The following ATP7B variants were observed in gnomAD, a reference collection of about 807,000 sequenced individuals.
ATP7B encodes the protein ATPase copper transporting beta.
Under a neutral mutation model 118.9 loss-of-function variants are expected in ATP7B, and 113 were observed. The ratio of observed to expected loss-of-function variants is 0.95; its 90% CI spans 0.82 to 1.11. ATP7B has a LOEUF of 1.11. Ranked by LOEUF, ATP7B falls within the 50% of genes most tolerant of loss-of-function variation. The pLI is 0.00. For missense variants in ATP7B, 1,867 were observed against 1,871.4 expected, an observed-to-expected ratio of 1.00 and a Z score of 0.04; for synonymous variants, 777 against 727.4, an observed-to-expected ratio of 1.07 and a Z score of -1.10.
chr13:52,011,482 A>G, upstream of ATP7B: 3 of 961,170 alleles, frequency 3.1e-6, no homozygotes, highest in Non-Finnish European at 4.9e-6. Context: ...TAAAGCAAAC[A>G]GGGGTCCGGG....
At chr13:52,011,943 C>G (rs1049970052), upstream of ATP7B, 20 of 302,490 alleles carry the variant, frequency 6.6e-5, no homozygotes, top group African/African-American at 4.1e-4. Context: ...GCGCTGCCCC[C>G]TCCTCGGACT....
At chr13:52,001,796 ATT>A (rs5803590) in intron 1 of ATP7B, among the ~76,000 whole-genome samples, 6 of 149,290 alleles carry the variant, frequency 4.0e-5, no homozygotes, top group Admixed American at 1.3e-4. Flanking sequence ...AATCCTTCAC[ATT>A]TTTTTTTTTA....
intron 9 of ATP7B, among the ~76,000 whole-genome samples, chr13:51,956,070 G>A (rs1411095149): frequency 6.6e-6 from 1 of 152,230 alleles, no homozygotes; most frequent in African/African-American, 2.4e-5. Flanking sequence ...GACGATCTGT[G>A]GCAAGTGCTG....
chr13:51,933,406 GGCAAGTAAT>G lies in ATP7B; in HGVS notation c.*1341_*1349del, dbSNP rs2138319781. On this transcript the variant is annotated 3_prime_UTR_variant, in exon 21 of 21. Transcript: ENST00000242839. ...CAAAAGTGCTGCTAAAACTGCCCCT[GGCAAGTAAT>G]GGACAATGAAAAAAATCACTAAAAC... 6.6e-6 allele frequency: 1 copy of G among 152,290 alleles called. No individual in the cohort carries two copies. The highest frequency in any genetic ancestry group is 2.4e-5 in the African/African-American group (1 of 41,560). 9.4% of individuals were successfully genotyped at this position (152,290 alleles called of 1,614,324 possible).
intron 1 of ATP7B, among the ~76,000 whole-genome samples, chr13:51,996,991 G>A (rs1953241303): frequency 6.6e-6 from 1 of 152,214 alleles, no homozygotes; most frequent in Non-Finnish European, 1.5e-5. Context: ...AAGGCCTTGA[G>A]CCCCAACCCT....
At chr13:51,994,406 T>A (rs1051207922) in intron 1 of ATP7B, among the ~76,000 whole-genome samples, 1 of 152,244 alleles carries the variant, frequency 6.6e-6, no homozygotes, top group Non-Finnish European at 1.5e-5. Flanking sequence ...CTACATTTCA[T>A]ATTTTTAAAT....
chr13:52,009,634 G>A (rs1953932252), intron 1 of ATP7B, among the ~76,000 whole-genome samples: 1 of 152,096 alleles, frequency 6.6e-6, no homozygotes, highest in Non-Finnish European at 1.5e-5. Context: ...CTATTAATCT[G>A]CCATTTGTCA....
Position 51,944,196 on chromosome 13 carries a change from G to A in ATP7B, c.3156C>T (p.Pro1052=). The A allele has an allele frequency of 6.2e-7, 1 of 1,614,158 alleles. No homozygotes were observed. The highest frequency in any genetic ancestry group is 1.3e-5 in the African/African-American group (1 of 75,052). The change falls in exon 14 of 21, where the codon CCC becomes CCT. Residue 1052 remains proline, a synonymous_variant. Coordinates refer to ENST00000242839, the MANE Select transcript of ATP7B (RefSeq NM_000053.4). ...VLLLGDVATL[P]LRKVLAVVGT... ...CCACCACAGCCAGAACCTTCCTGAG[G>A]GGCAGTGTGGCCACATCCCCCAGCA...
At chr13:51,945,548 C>G (rs909056782) in intron 13 of ATP7B, among the ~76,000 whole-genome samples, 2 of 152,208 alleles carry the variant, frequency 1.3e-5, no homozygotes, top group Non-Finnish European at 2.9e-5. Flanking sequence ...CCTGCAGCAC[C>G]CTTGTCCCTG....
At chr13:51,937,448 C>A (rs1346674344) in intron 18 of ATP7B, 28 bp downstream of exon 18, 5 of 1,614,040 alleles carry the variant, frequency 3.1e-6, no homozygotes, top group Non-Finnish European at 4.2e-6. Context: ...CCTCCCAGCA[C>A]CCACAGCCTG....
intron 1 of ATP7B, among the ~76,000 whole-genome samples, chr13:51,988,495 T>A (rs914552750): frequency 1.3e-5 from 2 of 152,182 alleles, no homozygotes; most frequent in African/African-American, 4.8e-5. Flanking sequence ...GAAGACAGTG[T>A]GGCGATTCCT....
intron 9 of ATP7B, among the ~76,000 whole-genome samples, chr13:51,952,465 G>T (rs1181190454): frequency 6.6e-6 from 1 of 152,218 alleles, no homozygotes; most frequent in East Asian, 1.9e-4. Flanking sequence ...TACTTGAGAA[G>T]GAGAAATAGA....
rs758846413 is a variant in ATP7B, at chr13:51,973,953, C to T, written c.1267G>A (p.Glu423Lys). 2 of 1,614,124 alleles carry T rather than the reference C, an allele frequency of 1.2e-6. No individual in the cohort carries two copies. The highest frequency in any genetic ancestry group is 1.7e-6 in the Non-Finnish European group (2 of 1,180,058). Residue 423 changes from glutamate to lysine, a missense_variant, in exon 2 of 21, where the codon GAG becomes AAG. Transcript: ENST00000242839. The part of the protein sequence containing the change: ...LRAAIEDMGF[E>K]ASVVSESCST... ...TACGTACCAGAAACGACTGAAGCCTCAAATCCCATGTCTTCTATAGCAGCT... is the reference window on the plus strand; with the variant it reads ...TACGTACCAGAAACGACTGAAGCCTTAAATCCCATGTCTTCTATAGCAGCT...
intron 4 of ATP7B, among the ~76,000 whole-genome samples, chr13:51,968,182 C>A: frequency 6.6e-6 from 1 of 152,186 alleles, no homozygotes; most frequent in Non-Finnish European, 1.5e-5. Flanking sequence ...CTTCTATACT[C>A]CTGCAGCTCA....
chr13:52,000,632 C>T (rs1171988218), intron 1 of ATP7B, among the ~76,000 whole-genome samples: 1 of 152,208 alleles, frequency 6.6e-6, no homozygotes, highest in Non-Finnish European at 1.5e-5. Flanking sequence ...CAACATTCTG[C>T]CCTTCCCCTG....
chr13:51,975,394 T>G (rs772673967), intron 1 of ATP7B: 7 of 713,452 alleles, frequency 9.8e-6, no homozygotes, highest in Admixed American at 3.5e-5. Context: ...TCCTCCTTAG[T>G]GAAATGTCGT....
In ATP7B at chr13:51,958,539, G is replaced by A. The variant is rs780843377; in HGVS notation, c.2127C>T (p.Leu709=). 3.1e-5 allele frequency: 50 copies of A among 1,613,880 alleles called. No homozygotes were observed. Among genetic ancestry groups the A allele is most frequent in the Middle Eastern group, 1.6e-4 (1 of 6,084 alleles). Residue 709 remains leucine (L), a synonymous_variant, in exon 8 of 21, where the codon CTC becomes CTT. Transcript: ENST00000242839. ...CCTGAACGTAGAAGTACCACCCACCGAGGAGCTGAAAGACAAGGACAGTGA... is the reference window on the plus strand; with the variant it reads ...CCTGAACGTAGAAGTACCACCCACCAAGGAGCTGAAAGACAAGGACAGTGA... ...FFILCTFVQL[L]GGWYFYVQAY...
intron 1 of ATP7B, among the ~76,000 whole-genome samples, chr13:51,994,200 C>G (rs969130420): frequency 6.6e-5 from 10 of 152,190 alleles, no homozygotes; most frequent in Non-Finnish European, 1.5e-4. Flanking sequence ...CTCTGTCACT[C>G]TTTAAAATTC....
intron 7 of ATP7B, chr13:51,959,545 C>T (rs1958595170): frequency 6.6e-6 from 1 of 152,176 alleles, no homozygotes; most frequent in Admixed American, 6.6e-5. Context: ...CCTACCAATG[C>T]TTGCCCCCAA....
Sources: gnomAD v4.1 joint callset for allele counts (sites outside exome capture counted in the v4.1 genomes callset) on GRCh38, gnomAD v4.1.1 for gene constraint, MANE v1.5 for transcripts, NCBI Gene and HGNC (gene_info 2026-07-23, HGNC 2026-07-21) for gene names.